Variants in LTBP1 observed in about 807,000 individuals in gnomAD.
LTBP1 encodes the protein latent transforming growth factor beta binding protein 1.
In LTBP1, 129 loss-of-function variants were observed where a neutral mutation model predicts 207.6. The observed-to-expected ratio is 0.62, with a 90% confidence interval of 0.54 to 0.72. The LOEUF (loss-of-function observed/expected upper bound fraction) is 0.72. LTBP1 is among the 30% of genes least tolerant of loss of function. The pLI is 0.00. For missense variants in LTBP1, 2,281 were observed against 2,217.2 expected (o/e 1.03, Z -0.58); for synonymous variants, 963 against 833.7 (o/e 1.16, Z -2.67).
At chr2:33,305,553 G>T (rs2094075580) in intron 22 of LTBP1, among the ~76,000 whole-genome samples, 1 of 152,146 alleles carries the variant, frequency 6.6e-6, no homozygotes, top group African/African-American at 2.4e-5. Context: ...GCTATGTGGA[G>T]ACCTGAGGGG....
intron 3 of LTBP1, among the ~76,000 whole-genome samples, chr2:33,036,524 C>G (rs1408470724): frequency 6.6e-6 from 1 of 151,622 alleles, no homozygotes; most frequent in Non-Finnish European, 1.5e-5. Context: ...GTGGGGCAAT[C>G]TCAGCTCACT....
chr2:32,999,355 A>G (rs1467266439), intron 2 of LTBP1, among the ~76,000 whole-genome samples: 4 of 152,192 alleles, frequency 2.6e-5, no homozygotes, highest in African/African-American at 9.7e-5. Flanking sequence ...GCCTCCATCC[A>G]AGGTGATTAA....
intron 7 of LTBP1, among the ~76,000 whole-genome samples, chr2:33,200,525 A>G (rs1332739514): frequency 2.0e-5 from 3 of 152,216 alleles, no homozygotes; most frequent in Admixed American, 2.0e-4. Context: ...TAAAAACCCT[A>G]GAAGAAAACC....
intron 28 of LTBP1, among the ~76,000 whole-genome samples, chr2:33,362,522 A>G (rs1020396117): frequency 6.6e-6 from 1 of 152,188 alleles, no homozygotes; most frequent in Non-Finnish European, 1.5e-5. Context: ...TCTCTTTTAT[A>G]TCAAAATAAA....
At chr2:33,221,618 T>C (rs143273762) in intron 8 of LTBP1, among the ~76,000 whole-genome samples, 1 of 152,190 alleles carries the variant, frequency 6.6e-6, no homozygotes, top group Non-Finnish European at 1.5e-5. Flanking sequence ...GATGAGTGTA[T>C]AATTTATTGT....
intron 19 of LTBP1, among the ~76,000 whole-genome samples, chr2:33,283,610 G>A (rs1006457047): frequency 6.6e-6 from 1 of 151,704 alleles, no homozygotes; most frequent in Non-Finnish European, 1.5e-5. Flanking sequence ...CTAATTTTTT[G>A]TATTTTTAGT....
intron 2 of LTBP1, among the ~76,000 whole-genome samples, chr2:32,963,807 C>G (rs1279214840): frequency 3.9e-5 from 6 of 152,092 alleles, no homozygotes; most frequent in Non-Finnish European, 1.5e-5. Context: ...TGGTAGTAGA[C>G]CCCTTGGCCC....
At chr2:33,355,569 A>G (rs2094848055) in intron 26 of LTBP1, among the ~76,000 whole-genome samples, 1 of 152,098 alleles carries the variant, frequency 6.6e-6, no homozygotes, top group Non-Finnish European at 1.5e-5. Context: ...ACAGATGTGA[A>G]TCCCATGGAT....
chr2:33,170,380 G>A (rs1242117559), intron 5 of LTBP1, among the ~76,000 whole-genome samples: 4 of 44,486 alleles, frequency 9.0e-5, no homozygotes, highest in East Asian at 5.1e-4. Flanking sequence ...AGGGTCCTAC[G>A]CCCATAGAGT....
At chr2:33,181,298 C>T (rs2086609646) in intron 5 of LTBP1, among the ~76,000 whole-genome samples, 1 of 152,194 alleles carries the variant, frequency 6.6e-6, no homozygotes, top group Non-Finnish European at 1.5e-5. Flanking sequence ...ATATACAAGT[C>T]ATGAATATTT....
intron 9 of LTBP1, among the ~76,000 whole-genome samples, chr2:33,227,284 C>T (rs189535262): frequency 5.2e-4 from 79 of 152,274 alleles, no homozygotes; most frequent in Non-Finnish European, 1.0e-3. Flanking sequence ...GTCTCCACCT[C>T]CAGAAGTGCT....
intron 19 of LTBP1, among the ~76,000 whole-genome samples, chr2:33,288,872 A>G (rs968639971): frequency 1.3e-5 from 2 of 151,546 alleles, no homozygotes; most frequent in South Asian, 2.1e-4. Flanking sequence ...AAAAAAAAAG[A>G]AAAAAGAAAA....
At position 33,134,941 on chromosome 2, in the gene LTBP1, G is replaced by A. The variant is rs1279936067; in HGVS notation, c.1182G>A (p.Thr394=). 2.5e-6 allele frequency: 4 copies of A among 1,612,136 alleles called. No individual in the cohort carries two copies. The highest frequency in any genetic ancestry group is 1.7e-6 in the Non-Finnish European group (2 of 1,179,122). The change falls in exon 5 of 34, where the codon ACG becomes ACA. Residue 394 remains threonine (T), a synonymous_variant. Coordinates refer to ENST00000404816, the MANE Select transcript of LTBP1 (RefSeq NM_206943.4). The surrounding 1 kb of genome is among the most constrained non-coding windows in gnomAD (Gnocchi z 4.4). ...SENGHAADTL[T]ATNFRVVICH... ...ATGGTCATGCTGCCGACACCCTGAC[G>A]GCCACGAACTTCCGAGTGGGTGAGT...
chr2:33,243,584 G>A, intron 9 of LTBP1, 78 bp from the exon 10 acceptor site: 1 of 1,344,862 alleles, frequency 7.4e-7, no homozygotes. Context: ...AGTGAAAAAG[G>A]AAGTGAATGC....
intron 2 of LTBP1, among the ~76,000 whole-genome samples, chr2:32,989,801 T>TA (rs1292378729): frequency 6.6e-6 from 1 of 152,244 alleles, no homozygotes; most frequent in Non-Finnish European, 1.5e-5. Flanking sequence ...ACTTACTAGC[T>TA]ATATGACCTC....
At chr2:33,008,556 G>A (rs1687244736) in intron 2 of LTBP1, among the ~76,000 whole-genome samples, 2 of 152,186 alleles carry the variant, frequency 1.3e-5, no homozygotes, top group South Asian at 4.1e-4. Flanking sequence ...ATTCATGTTA[G>A]CATTTAAGTC....
chr2:33,228,696 C>CTTTTTTTTTTTT (rs2091596297), intron 9 of LTBP1, among the ~76,000 whole-genome samples: 1 of 117,732 alleles, frequency 8.5e-6, no homozygotes, highest in African/African-American at 3.4e-5. Flanking sequence ...AGGGTTATAC[C>CTTTTTTTTTTTT]CTTTTTTTTT....
intron 9 of LTBP1, among the ~76,000 whole-genome samples, chr2:33,233,539 A>G (rs2091899330): frequency 6.6e-6 from 1 of 152,086 alleles, no homozygotes; most frequent in South Asian, 2.1e-4. Flanking sequence ...TTCTTAGCAA[A>G]CAAGCATTAA....
Position 33,198,676 on chromosome 2 carries a change from G to C in LTBP1, c.1701+9825G>C, listed in dbSNP as rs551276629. The stretch of plus-strand genomic sequence containing the variant: ...ATCCATTTCTTCTAGATTTTCTAGT[G>C]TATTAGCGTAGAGGTGTTTGTAGTA... On this transcript the variant is annotated intron_variant, in intron 7 of 33. Transcript: ENST00000404816. 6.0e-4 allele frequency among the ~76,000 whole-genome samples: 92 copies of C among 152,266 alleles called. 1 individual carries two copies. The highest frequency in any genetic ancestry group is 2.2e-3 in the African/African-American group (92 of 41,554).
Sources: gnomAD v4.1 joint callset for allele counts (sites outside exome capture counted in the v4.1 genomes callset) on GRCh38, gnomAD v4.1.1 for gene constraint, Gnocchi (gnomAD v3.1) non-coding constraint, MANE v1.5 for transcripts, NCBI Gene and HGNC (gene_info 2026-07-23, HGNC 2026-07-21) for gene names.